Variants in TSHZ2 observed in about 807,000 individuals in gnomAD.
The protein encoded by TSHZ2 is teashirt zinc finger homeobox 2.
TSHZ2 carries 21 observed loss-of-function variants against 74.4 expected under a neutral mutation model. The observed-to-expected ratio is 0.28, with a 90% CI of 0.20 to 0.41. The LOEUF (loss-of-function observed/expected upper bound fraction) is 0.41. Ranked by LOEUF, TSHZ2 falls within the 10% of genes least tolerant of loss-of-function variation. The pLI is 1.00. For missense variants in TSHZ2, 1,244 were observed against 1,293.5 expected, an observed-to-expected ratio of 0.96 and a Z score of 0.59; for synonymous variants, 540 against 515.3, an observed-to-expected ratio of 1.05 and a Z score of -0.65.
chr20:53,412,146 C>T (rs1983075111), intron 2 of TSHZ2, among the ~76,000 whole-genome samples: 1 of 152,194 alleles, frequency 6.6e-6, no homozygotes, highest in South Asian at 2.1e-4. Flanking sequence ...TTCACAGATC[C>T]AATTCAGAGT....
chr20:53,457,299 T>C (rs1985136289), intron 2 of TSHZ2, among the ~76,000 whole-genome samples: 2 of 138,452 alleles, frequency 1.4e-5, no homozygotes, highest in Non-Finnish European at 3.1e-5. Context: ...GATTCCTAGG[T>C]ATTTTATTCT....
intron 1 of TSHZ2, among the ~76,000 whole-genome samples, chr20:53,177,217 C>T (rs1263629372): frequency 6.6e-6 from 1 of 152,122 alleles, no homozygotes; most frequent in Non-Finnish European, 1.5e-5. Flanking sequence ...CCTGCCTTAC[C>T]AGGGGTAAAA....
At chr20:53,005,130 G>A (rs941140321) in intron 1 of TSHZ2, among the ~76,000 whole-genome samples, 16 of 151,908 alleles carry the variant, frequency 1.1e-4, no homozygotes, top group African/African-American at 3.6e-4. Context: ...TGGGCAACAC[G>A]GTGAAACCCT....
rs1015603464 is a variant in TSHZ2 at position 53,461,149 on chromosome 20, G to A, written c.*9-25995G>A. 2.3e-3 allele frequency among the ~76,000 whole-genome samples: 354 copies of A among 151,922 alleles called. 1 individual carries two copies. Among genetic ancestry groups the A allele is most frequent in the East Asian group, 8.3e-3 (43 of 5,154 alleles). On this transcript the variant is annotated intron_variant, in intron 2 of 2. Transcript: ENST00000371497. The stretch of plus-strand genomic sequence containing the variant: ...GCGCCCCTCCCCCAGCCTCGCTGCC[G>A]CCTTGCAGTTTGATCTCAGACTGCT...
chr20:53,131,832 CCCAA>C (rs996914275), intron 1 of TSHZ2, among the ~76,000 whole-genome samples: 1 of 89,930 alleles, frequency 1.1e-5, no homozygotes, highest in Non-Finnish European at 2.2e-5. Flanking sequence ...CCCCCCCCCC[CCCAA>C]AAAAAAAAAG....
intron 1 of TSHZ2, among the ~76,000 whole-genome samples, chr20:53,066,738 G>GC (rs1263374988): frequency 9.2e-5 from 14 of 152,126 alleles, no homozygotes; most frequent in African/African-American, 3.1e-4. Flanking sequence ...AATCTGCTGA[G>GC]CTCGTGATCT....
At position 53,038,474 on chromosome 20, in the gene TSHZ2, C is replaced by T. The variant is rs572527439; in HGVS notation, c.40+65141C>T. On this transcript the variant is annotated intron_variant, in intron 1 of 2. Transcript: ENST00000371497. ...ATGATGAATGCCTTTCCTGCTGAAT[C>T]CTCTTCTCACTAAGAGTATTGATCA... Among the ~76,000 whole-genome samples, 7 of 152,220 alleles carry T rather than the reference C, an allele frequency of 4.6e-5. No individual in the cohort carries two copies. The South Asian group carries it at 1.5e-3, about 32-fold the overall frequency.
At chr20:53,235,332 C>T (rs957021719) in intron 1 of TSHZ2, among the ~76,000 whole-genome samples, 8 of 151,884 alleles carry the variant, frequency 5.3e-5, no homozygotes, top group African/African-American at 1.9e-4. Context: ...CATACCCAGC[C>T]AATTTTTTTG....
intron 1 of TSHZ2, among the ~76,000 whole-genome samples, chr20:53,033,221 A>G (rs1226634947): frequency 3.3e-5 from 5 of 152,258 alleles, no homozygotes; most frequent in Non-Finnish European, 5.9e-5. Context: ...GCTATCGAGA[A>G]TAGTCCTTTT....
chr20:53,416,389 C>G (rs768000976), intron 2 of TSHZ2, among the ~76,000 whole-genome samples: 3 of 152,214 alleles, frequency 2.0e-5, no homozygotes, highest in Admixed American at 6.5e-5. Flanking sequence ...TTCCTTCAGA[C>G]AGTAGTCGGG....
intron 2 of TSHZ2, among the ~76,000 whole-genome samples, chr20:53,304,767 G>A (rs1436403643): frequency 6.6e-6 from 1 of 152,004 alleles, no homozygotes; most frequent in East Asian, 1.9e-4. Context: ...GAGTAGCTGG[G>A]ATTACAGGCA....
chr20:52,978,223 G>A (rs930120771), intron 1 of TSHZ2, among the ~76,000 whole-genome samples: 3 of 152,104 alleles, frequency 2.0e-5, no homozygotes, highest in African/African-American at 7.2e-5. Flanking sequence ...ATGGGTTTTG[G>A]TCATGGGGGT....
chr20:53,266,818 C>T (rs1372066216), intron 2 of TSHZ2, among the ~76,000 whole-genome samples: 1 of 149,692 alleles, frequency 6.7e-6, no homozygotes, highest in Non-Finnish European at 1.5e-5. Flanking sequence ...CACTCTGTCG[C>T]CCAGGCTGGA....
chr20:53,455,637 T>A (rs977932504), intron 2 of TSHZ2, among the ~76,000 whole-genome samples: 1 of 148,344 alleles, frequency 6.7e-6, no homozygotes, highest in South Asian at 2.2e-4. Context: ...TACGTATACA[T>A]GTGCCATGCT....
chr20:52,998,749 C>G (rs1341843376), intron 1 of TSHZ2, among the ~76,000 whole-genome samples: 1 of 152,192 alleles, frequency 6.6e-6, no homozygotes, highest in African/African-American at 2.4e-5. Context: ...GCTGGGACCC[C>G]ACCATAGTGT....
intron 1 of TSHZ2, among the ~76,000 whole-genome samples, chr20:53,232,794 AG>A (rs1242494061): frequency 6.6e-6 from 1 of 152,214 alleles, no homozygotes; most frequent in Non-Finnish European, 1.5e-5. Flanking sequence ...CTCTGTGCCA[AG>A]CACCGTGTGA....
At chr20:53,063,301 G>A (rs1400497785) in intron 1 of TSHZ2, among the ~76,000 whole-genome samples, 2 of 152,066 alleles carry the variant, frequency 1.3e-5, no homozygotes, top group African/African-American at 2.4e-5. Flanking sequence ...AACCAAGCAT[G>A]CCTGTATATG....
At chr20:53,204,401 A>ATATAACATGATGATATGATACTAT (rs1989110301) in intron 1 of TSHZ2, among the ~76,000 whole-genome samples, 1 of 149,826 alleles carries the variant, frequency 6.7e-6, no homozygotes, top group Admixed American at 6.7e-5. Flanking sequence ...CTATATCATC[A>ATATAACATGATGATATGATACTAT]TATAACATGA....
At chr20:53,210,287 T>A (rs961756701) in intron 1 of TSHZ2, among the ~76,000 whole-genome samples, 1 of 152,206 alleles carries the variant, frequency 6.6e-6, no homozygotes, top group African/African-American at 2.4e-5. Flanking sequence ...AGAGAGCCAA[T>A]GTGACAGCTT....
Sources: gnomAD v4.1 joint callset for allele counts (sites outside exome capture counted in the v4.1 genomes callset) on GRCh38, gnomAD v4.1.1 for gene constraint, MANE v1.5 for transcripts, NCBI Gene and HGNC (gene_info 2026-07-23, HGNC 2026-07-21) for gene names.